The following NASP variants were observed in gnomAD, a reference collection of about 807,000 sequenced individuals.
NASP encodes nuclear autoantigenic sperm protein.
NASP carries 24 observed loss-of-function variants against 89.5 expected under a neutral mutation model. The ratio of observed to expected loss-of-function variants is 0.27; its 90% CI spans 0.19 to 0.38. The LOEUF (loss-of-function observed/expected upper bound fraction) is 0.38. NASP is among the 10% of genes least tolerant of loss of function. The probability of loss-of-function intolerance (pLI) is 1.00; values close to 1 mark genes in which losing one functional copy is unlikely to be tolerated. For synonymous variants in NASP, 306 were observed against 324.7 expected, an observed-to-expected ratio of 0.94 and a Z score of 0.62; for missense variants, 848 against 921.4, an observed-to-expected ratio of 0.92 and a Z score of 1.03.
chr1:45,611,895 T>C (rs2148367460), intron 6 of NASP: 1 of 146,446 alleles, frequency 6.8e-6, no homozygotes, highest in South Asian at 2.2e-4. Context: ...AGTCTTGCTC[T>C]GTCACCCAGG....
At chr1:45,597,280 C>T (rs1159693304) in intron 2 of NASP, among the ~76,000 whole-genome samples, 1 of 129,780 alleles carries the variant, frequency 7.7e-6, no homozygotes, top group African/African-American at 3.0e-5. Context: ...GCACTCTAGC[C>T]TGGGCGACAG....
intron 2 of NASP, among the ~76,000 whole-genome samples, chr1:45,593,427 G>T (rs906958732): frequency 6.6e-6 from 1 of 151,426 alleles, no homozygotes; most frequent in Non-Finnish European, 1.5e-5. Flanking sequence ...CAGCTACTCG[G>T]GAGGCTGAGG....
intron 2 of NASP, among the ~76,000 whole-genome samples, chr1:45,601,843 C>T (rs1643854113): frequency 6.7e-6 from 1 of 148,654 alleles, no homozygotes; most frequent in Admixed American, 6.8e-5. Context: ...CAAGCTCCGC[C>T]TCCTGGGTTC....
chr1:45,607,378 AAGC>A lies in NASP; in HGVS notation c.468_470del (p.Glu156_Ala157delinsAsp). The A allele has an allele frequency of 1.9e-6, 3 of 1,614,146 alleles. No homozygotes were observed. ...TATGACGCCATGGGAGAAAAAGAAG[AAGC>A]CAAAAAAACAGAAGACAAGTCTTTG... On this transcript the variant is annotated inframe_deletion, in exon 6 of 15. Transcript: ENST00000350030.
chr1:45,617,175 C>T (rs1342552366), intron 13 of NASP: 8 of 348,866 alleles, frequency 2.3e-5, no homozygotes, highest in Non-Finnish European at 3.7e-5. Flanking sequence ...TGTTTCCTGA[C>T]TCAAACACAG....
intron 2 of NASP, among the ~76,000 whole-genome samples, chr1:45,595,821 A>G (rs542637091): frequency 6.6e-6 from 1 of 152,348 alleles, no homozygotes; most frequent in East Asian, 1.9e-4. Context: ...TTTTAAGGTA[A>G]CCTGGCAAAA....
At chr1:45,616,505 A>ATTCAACACT in intron 12 of NASP, 112 bp downstream of exon 12, 3 of 1,498,058 alleles carry the variant, frequency 2.0e-6, no homozygotes, top group Non-Finnish European at 2.8e-6. Flanking sequence ...GAGGCTTGGA[A>ATTCAACACT]TTCAACACTA....
At position 45,594,386 on chromosome 1, in the gene NASP, A is replaced by G. The variant is rs1022109212; in HGVS notation, c.107+3116A>G. On this transcript the variant is annotated intron_variant, in intron 2 of 14. Coordinates refer to ENST00000350030, the MANE Select transcript of NASP (RefSeq NM_002482.4). Reference sequence around the variant, plus strand: ...GTTAATCTGGTATTTGGGTGGTATGAATACTGAATACTGTTTAGGGTTGAT... The same window carrying G: ...GTTAATCTGGTATTTGGGTGGTATGGATACTGAATACTGTTTAGGGTTGAT... Among the ~76,000 whole-genome samples, 23 of 152,152 alleles carry G rather than the reference A, an allele frequency of 1.5e-4. No individual in the cohort carries two copies. In the East Asian group the frequency reaches 4.0e-3, roughly 27 times the overall value.
At position 45,608,040 on chromosome 1, in the gene NASP, G is replaced by T. The variant is rs1263051945; in HGVS notation, c.1129G>T (p.Asp377Tyr). The change falls in exon 6 of 15, where the codon GAT (aspartate) becomes TAT (tyrosine). Residue 377 changes from aspartate to tyrosine, a missense_variant. Asp to Tyr is a radical substitution (Grantham distance 160, BLOSUM62 -3). Around this residue, in one of 5 missense-constraint regions of NASP, gnomAD observed 464 missense variants for 469.4 expected, o/e 0.99. Transcript: ENST00000350030. ...PGQEAPVLPK[D>Y]GAVNGPSVVG... ...GCAGGAGGCTCCAGTTCTCCCTAAG[G>T]ATGGTGCAGTCAATGGACCGTCAGT... 1.2e-6 allele frequency: 2 copies of T among 1,614,018 alleles called. No individual in the cohort carries two copies. Among genetic ancestry groups the T allele is most frequent in the Non-Finnish European group, 1.7e-6 (2 of 1,179,910 alleles).
intron 13 of NASP, chr1:45,617,256 A>C: frequency 5.9e-6 from 3 of 510,556 alleles, no homozygotes; most frequent in African/African-American, 2.0e-5. Flanking sequence ...TGCTTCCGGT[A>C]GAGGGGCCTG....
Position 45,607,509 on chromosome 1 carries a change from G to A in NASP, c.598G>A (p.Asp200Asn), listed in dbSNP as rs2148358964. 1.9e-6 allele frequency: 3 copies of A among 1,614,000 alleles called. No homozygotes were observed. Among genetic ancestry groups the A allele is most frequent in the African/African-American group, 2.7e-5 (2 of 75,032 alleles). Reference sequence around the variant, plus strand: ...TGCAGAGGAGCCACAGGAAAAAGTTGACTTGACTCTAGATTGGTTAACTGA... The same window carrying A: ...TGCAGAGGAGCCACAGGAAAAAGTTAACTTGACTCTAGATTGGTTAACTGA... ...KSAEEPQEKV[D>N]LTLDWLTETS... The change falls in exon 6 of 15, where the codon GAC (aspartate) becomes AAC (asparagine). Residue 200 changes from aspartate (D) to asparagine (N), a missense_variant. Transcript: ENST00000350030.
chr1:45,585,035 CTGTT>C (rs1377754114), intron 1 of NASP, among the ~76,000 whole-genome samples: 37 of 152,322 alleles, frequency 2.4e-4, no homozygotes, highest in Admixed American at 6.5e-5. Context: ...CTCACCAGCA[CTGTT>C]TGGTTGCTAG....
At chr1:45,586,266 GTGTGTGTGTGTGTGTGT>G (rs1644537126) in intron 1 of NASP, among the ~76,000 whole-genome samples, 5 of 61,274 alleles carry the variant, frequency 8.2e-5, no homozygotes, top group Non-Finnish European at 1.4e-4. Flanking sequence ...GTGTGTGTGT[GTGTGTGTGTGTGTGTGT>G]GGTGTGTGTG....
chr1:45,593,728 G>T (rs1407480879), intron 2 of NASP, among the ~76,000 whole-genome samples: 7 of 150,868 alleles, frequency 4.6e-5, no homozygotes, highest in South Asian at 2.1e-4. Flanking sequence ...TGCTTGGCTG[G>T]GTGTGGTAGC....
intron 1 of NASP, among the ~76,000 whole-genome samples, chr1:45,590,263 G>A (rs570779808): frequency 5.3e-5 from 8 of 152,082 alleles, no homozygotes; most frequent in African/African-American, 9.6e-5. Context: ...TAAATTTATC[G>A]GCCGGGCGCG....
At chr1:45,613,798 T>C (rs939982210) in intron 7 of NASP, among the ~76,000 whole-genome samples, 2 of 152,180 alleles carry the variant, frequency 1.3e-5, no homozygotes, top group Admixed American at 6.5e-5. Flanking sequence ...CTAGGCATGA[T>C]TATTATAGAT....
intron 9 of NASP, 147 bp downstream of exon 9, chr1:45,614,513 T>C: frequency 3.0e-6 from 2 of 673,356 alleles, no homozygotes; most frequent in Non-Finnish European, 5.2e-6. Flanking sequence ...CTCTTCCAAG[T>C]GGCACTCAGT....
In NASP at chr1:45,616,710, C is replaced by T; in HGVS notation, c.2157+7C>T. 1.9e-6 allele frequency: 3 copies of T among 1,608,696 alleles called. No individual in the cohort carries two copies. The highest frequency in any genetic ancestry group is 2.6e-6 in the Non-Finnish European group (3 of 1,175,014). The stretch of plus-strand genomic sequence containing the variant: ...CCACCTTGTCAGAAAGAAGGTAAGT[C>T]TACATGTGGTGTTTCTTTTCTACCG... On this transcript the variant is annotated splice_region_variant and intron_variant, in intron 13 of 14. Transcript: ENST00000350030.
At position 45,608,468 on chromosome 1, in the gene NASP, A is replaced by G. The variant is rs533969313; in HGVS notation, c.1426+131A>G. On this transcript the variant is annotated intron_variant, in intron 6 of 14. Transcript: ENST00000350030. The stretch of plus-strand genomic sequence containing the variant: ...TGGATTAGGAAAGGGCTAAATGAAA[A>G]GGGGGGTAGTTTAACAAGGTCGTGA... 6 of 910,536 alleles carry G rather than the reference A, an allele frequency of 6.6e-6. No individual in the cohort carries two copies. The African/African-American group carries it at 1.0e-4, about 15-fold the overall frequency. The allele number at this position is 910,536 out of a possible 1,614,324, so 56.4% of individuals were successfully genotyped here.
Sources: allele counts gnomAD v4.1 joint callset (sites outside exome capture counted in the v4.1 genomes callset), GRCh38; gene constraint gnomAD v4.1.1; regional missense constraint gnomAD v4.1.1; transcripts MANE v1.5; gene names NCBI Gene and HGNC (gene_info 2026-07-23, HGNC 2026-07-21).